Variants in NRXN2 observed in about 807,000 individuals in gnomAD.
NRXN2 encodes the protein neurexin-2-beta.
In NRXN2, 29 loss-of-function variants were observed where a neutral mutation model predicts 128.8. The ratio of observed to expected loss-of-function variants is 0.23; its 90% CI spans 0.17 to 0.31. The LOEUF (loss-of-function observed/expected upper bound fraction) is 0.31. Ranked by LOEUF, NRXN2 falls within the 10% of genes least tolerant of loss-of-function variation. NRXN2 has a pLI of 1.00. For missense variants in NRXN2, 1,881 were observed against 2,452.6 expected (o/e 0.77, Z 4.92); for synonymous variants, 1,098 against 1,075.2 (o/e 1.02, Z -0.41).
intron 7 of NRXN2, among the ~76,000 whole-genome samples, chr11:64,672,791 A>G (rs915719061): frequency 2.6e-5 from 4 of 152,118 alleles, no homozygotes; most frequent in Non-Finnish European, 5.9e-5. Flanking sequence ...TACCTGTTCA[A>G]TGAGAGGGCA....
chr11:64,622,945 G>A lies in NRXN2; in HGVS notation c.3981C>T (p.Ser1327=), dbSNP rs144957463. The stretch of plus-strand genomic sequence containing the variant: ...GACCCTCAGTCCGCACATTGGGGTC[G>A]CTCTCGGCGGCCAGCGCCAGCACCT... ...GLKVLALAAE[S]DPNVRTEGHL... is the part of the protein sequence containing the mutation. The change falls in exon 21 of 23, where the codon AGC becomes AGT. Residue 1327 remains serine, a synonymous_variant. Transcript: ENST00000265459. The surrounding 1 kb of genome is among the most constrained non-coding windows in gnomAD (Gnocchi z 4.3). 3.7e-6 allele frequency: 6 copies of A among 1,612,946 alleles called. No homozygotes were observed. Among genetic ancestry groups the A allele is most frequent in the South Asian group, 2.2e-5 (2 of 90,960 alleles).
intron 17 of NRXN2, among the ~76,000 whole-genome samples, chr11:64,638,400 T>G (rs1351323448): frequency 1.3e-5 from 2 of 152,054 alleles, no homozygotes; most frequent in East Asian, 3.9e-4. Flanking sequence ...CGCGGCTGCC[T>G]CCGGAGCGCA....
At chr11:64,683,614 C>T (rs574821690) in intron 6 of NRXN2, among the ~76,000 whole-genome samples, 97 of 140,558 alleles carry the variant, frequency 6.9e-4, no homozygotes, top group African/African-American at 2.8e-3. Flanking sequence ...AGTGAGACTC[C>T]ATCTCAAAAA....
chr11:64,625,836 C>G (rs935376308), intron 20 of NRXN2, among the ~76,000 whole-genome samples: 1 of 152,214 alleles, frequency 6.6e-6, no homozygotes, highest in African/African-American at 2.4e-5. Flanking sequence ...TCCTGCCCCA[C>G]TTCCCTTAGT....
chr11:64,677,100 C>A, intron 6 of NRXN2, 63 bp from the exon 7 acceptor site: 3 of 1,125,414 alleles, frequency 2.7e-6, no homozygotes, highest in South Asian at 2.6e-5. Context: ...ACAAACACAA[C>A]AACAAAAGAA....
chr11:64,661,988 C>T (rs896455363), intron 9 of NRXN2, among the ~76,000 whole-genome samples: 1 of 151,876 alleles, frequency 6.6e-6, no homozygotes, highest in Non-Finnish European at 1.5e-5. Context: ...CATGGTGGTT[C>T]ACGCCTGTAA....
chr11:64,662,092 A>AT (rs1296228589), intron 9 of NRXN2, among the ~76,000 whole-genome samples: 1 of 146,992 alleles, frequency 6.8e-6, no homozygotes, highest in Non-Finnish European at 1.5e-5. Context: ...ATCTCTACTA[A>AT]AAAAAAAAAA....
chr11:64,658,541 C>T (rs572019780), intron 11 of NRXN2, among the ~76,000 whole-genome samples: 6 of 152,294 alleles, frequency 3.9e-5, no homozygotes, highest in Admixed American at 3.9e-4. Context: ...TGCATATCTC[C>T]CCACCTCCAG....
chr11:64,635,622 C>T lies in NRXN2; in HGVS notation c.3404-170G>A, dbSNP rs1400928536. The stretch of plus-strand genomic sequence containing the variant: ...GCCACCCCAGGGAGAAGTTGGCAGG[C>T]GGGTGCCTGGGTGAGAGCCTGTGCA... On this transcript the variant is annotated intron_variant, in intron 17 of 22. Transcript: ENST00000265459. This position sits in a 1 kb window ranked among gnomAD's most constrained non-coding sequence, Gnocchi z 4.8. 1.3e-5 allele frequency among the ~76,000 whole-genome samples: 2 copies of T among 152,112 alleles called. No homozygotes were observed. The highest frequency in any genetic ancestry group is 1.9e-4 in the East Asian group (1 of 5,182).
At chr11:64,657,686 C>G (rs147727024) in intron 11 of NRXN2, among the ~76,000 whole-genome samples, 1 of 152,180 alleles carries the variant, frequency 6.6e-6, no homozygotes, top group Non-Finnish European at 1.5e-5. Context: ...TCTTCTGGCC[C>G]GGAGCCCAGA....
At chr11:64,608,492 T>C (rs1247085560) in intron 22 of NRXN2, among the ~76,000 whole-genome samples, 1 of 143,434 alleles carries the variant, frequency 7.0e-6, no homozygotes, top group East Asian at 2.0e-4. Flanking sequence ...TCTCTTTTTT[T>C]GCTTTTTTTT....
At chr11:64,682,966 G>C (rs1387022217) in intron 6 of NRXN2, among the ~76,000 whole-genome samples, 1 of 152,086 alleles carries the variant, frequency 6.6e-6, no homozygotes, top group Non-Finnish European at 1.5e-5. Flanking sequence ...AAGTCCAAGG[G>C]AAAAAGGGAA....
In NRXN2 at chr11:64,667,837, T is replaced by C; in HGVS notation, c.1360-149A>G. The C allele has an allele frequency of 1.4e-6, 1 of 739,458 alleles. No individual in the cohort carries two copies. The highest frequency in any genetic ancestry group is 1.5e-5 in the South Asian group (1 of 66,562). The allele number at this position is 739,458 out of a possible 1,614,324, so 45.8% of individuals were successfully genotyped here. On this transcript the variant is annotated intron_variant, in intron 8 of 22. Coordinates refer to ENST00000265459, the MANE Select transcript of NRXN2 (RefSeq NM_015080.4). This position sits in a 1 kb window ranked among gnomAD's most constrained non-coding sequence, Gnocchi z 5.6. The stretch of plus-strand genomic sequence containing the variant: ...CCAGACCACCCGCTTAGGCCTCTGT[T>C]CTACAGCTTCAGACACAGAGGCTGT...
In NRXN2 at chr11:64,660,965, A is replaced by C. The variant is rs762107817; in HGVS notation, c.1973T>G (p.Val658Gly). ...ACGCCCATCTATGAAGAGGTCCCGC[A>C]CACAGCCCACGTAGCCTGCCCGGAG... ...AALRAGYVGC[V>G]RDLFIDGRSR... is the part of the protein sequence containing the mutation. Residue 658 changes from valine to glycine, a missense_variant, in exon 10 of 23, where the codon GTG becomes GGG. Val to Gly is a moderately radical substitution (Grantham distance 109). Coordinates refer to ENST00000265459, the MANE Select transcript of NRXN2 (RefSeq NM_015080.4). The surrounding 1 kb of genome is among the most constrained non-coding windows in gnomAD (Gnocchi z 5.2). 1 of 1,613,906 alleles carries C rather than the reference A, an allele frequency of 6.2e-7. No individual in the cohort carries two copies. Among genetic ancestry groups the C allele is most frequent in the East Asian group, 2.2e-5 (1 of 44,882 alleles).
At chr11:64,716,526 A>T (rs2057308762) in intron 1 of NRXN2, among the ~76,000 whole-genome samples, 1 of 151,944 alleles carries the variant, frequency 6.6e-6, no homozygotes, top group African/African-American at 2.4e-5. Flanking sequence ...CAGGAGGTGG[A>T]GGTTCTACTG....
chr11:64,706,058 G>A (rs574096935), intron 2 of NRXN2, among the ~76,000 whole-genome samples: 30 of 28,078 alleles, frequency 1.1e-3, no homozygotes, highest in Non-Finnish European at 1.8e-3. Context: ...CCTAAGTACA[G>A]CACTTTTATA....
intron 12 of NRXN2, among the ~76,000 whole-genome samples, chr11:64,652,442 C>A (rs1411715487): frequency 2.0e-5 from 3 of 152,112 alleles, no homozygotes; most frequent in Non-Finnish European, 4.4e-5. Context: ...GTGCCATGCA[C>A]ATAGAATATT....
chr11:64,692,541 G>T (rs915623538), intron 4 of NRXN2, among the ~76,000 whole-genome samples: 2 of 152,204 alleles, frequency 1.3e-5, no homozygotes, highest in Non-Finnish European at 2.9e-5. Flanking sequence ...AGGGTGACTG[G>T]AGACAACGGC....
At position 64,651,195 on chromosome 11, in the gene NRXN2, G is replaced by A; in HGVS notation, c.2918+60C>T. The A allele has an allele frequency of 6.2e-7, 1 of 1,606,448 alleles. No individual in the cohort carries two copies. The highest frequency in any genetic ancestry group is 1.1e-5 in the South Asian group (1 of 90,502). On this transcript the variant is annotated intron_variant, in intron 14 of 22. Transcript: ENST00000265459. This position sits in a 1 kb window ranked among gnomAD's most constrained non-coding sequence, Gnocchi z 5.9. The stretch of plus-strand genomic sequence containing the variant: ...CGGCCAGTAGCCAGGAGAGCTGTAT[G>A]TGGTTCAGCAGGGGGAGGGGGCCAC...
Sources: gnomAD v4.1 joint callset for allele counts (sites outside exome capture counted in the v4.1 genomes callset) on GRCh38, gnomAD v4.1.1 for gene constraint, Gnocchi (gnomAD v3.1) non-coding constraint, MANE v1.5 for transcripts, NCBI Gene and HGNC (gene_info 2026-07-23, HGNC 2026-07-21) for gene names.